The following MACROD2 variants were observed in gnomAD, a reference collection of about 807,000 sequenced individuals.
The protein encoded by MACROD2 is mono-ADP ribosylhydrolase 2.
Under a neutral mutation model 70.4 loss-of-function variants are expected in MACROD2, and 36 were observed. The observed-to-expected ratio is 0.51, with a 90% CI of 0.39 to 0.68. The LOEUF (loss-of-function observed/expected upper bound fraction) is 0.68. Ranked by LOEUF, MACROD2 falls within the 30% of genes least tolerant of loss-of-function variation. MACROD2 has a pLI of 0.00. For missense variants in MACROD2, 496 were observed against 538.4 expected (o/e 0.92, Z 0.78); for synonymous variants, 172 against 178.8 (o/e 0.96, Z 0.30).
At chr20:14,483,526 C>T (rs1294550570) in intron 3 of MACROD2, among the ~76,000 whole-genome samples, 1 of 152,140 alleles carries the variant, frequency 6.6e-6, no homozygotes, top group Non-Finnish European at 1.5e-5. Context: ...CCTGCCTCAG[C>T]CTCCCTAGTA....
intron 3 of MACROD2, among the ~76,000 whole-genome samples, chr20:14,269,896 C>T (rs910657886): frequency 2.0e-4 from 30 of 151,774 alleles, no homozygotes; most frequent in South Asian, 6.2e-4. Flanking sequence ...CTCCTAATTG[C>T]CACTCCTCAT....
At chr20:14,704,883 G>A (rs2071250540) in intron 5 of MACROD2, among the ~76,000 whole-genome samples, 1 of 152,116 alleles carries the variant, frequency 6.6e-6, no homozygotes, top group Admixed American at 6.5e-5. Flanking sequence ...GCAGGGGCTG[G>A]CTTTTGAGAC....
intron 7 of MACROD2, among the ~76,000 whole-genome samples, chr20:15,464,940 C>T (rs1346684351): frequency 1.3e-5 from 2 of 152,048 alleles, no homozygotes; most frequent in Non-Finnish European, 2.9e-5. Context: ...GACTGACACT[C>T]CTCTGAGGCA....
At chr20:15,629,793 A>T (rs1363766843) in intron 8 of MACROD2, among the ~76,000 whole-genome samples, 2 of 152,238 alleles carry the variant, frequency 1.3e-5, no homozygotes, top group African/African-American at 4.8e-5. Context: ...CTCAGCTGCC[A>T]GGAAGTGAAA....
At chr20:15,122,111 A>G (rs1332178128) in intron 5 of MACROD2, among the ~76,000 whole-genome samples, 1 of 152,226 alleles carries the variant, frequency 6.6e-6, no homozygotes, top group African/African-American at 2.4e-5. Flanking sequence ...TGCTAAAACA[A>G]ACAAAATGAT....
intron 8 of MACROD2, among the ~76,000 whole-genome samples, chr20:15,590,634 G>T (rs1294236032): frequency 6.6e-6 from 1 of 152,136 alleles, no homozygotes; most frequent in Non-Finnish European, 1.5e-5. Context: ...TGTAATCCCA[G>T]CACTTTGGGA....
intron 3 of MACROD2, among the ~76,000 whole-genome samples, chr20:14,415,001 A>G (rs2122876482): frequency 6.6e-6 from 1 of 151,886 alleles, no homozygotes; most frequent in East Asian, 1.9e-4. Flanking sequence ...ATGTATTTCA[A>G]TTGTTTATTA....
chr20:14,505,763 A>C (rs1464098221), intron 4 of MACROD2, among the ~76,000 whole-genome samples: 1 of 152,204 alleles, frequency 6.6e-6, no homozygotes, highest in African/African-American at 2.4e-5. Context: ...TTTAAGAATT[A>C]CTGCTCTAAA....
At position 14,532,552 on chromosome 20, in the gene MACROD2, G is replaced by C. The variant is rs150838684; in HGVS notation, c.301+39044G>C. Among the ~76,000 whole-genome samples the C allele has an allele frequency of 1.0e-2, 1,514 of 152,108 alleles. 32 individuals are homozygous for C. The highest frequency in any genetic ancestry group is 0.035 in the African/African-American group (1,444 of 41,510). On this transcript the variant is annotated intron_variant, in intron 4 of 17. Coordinates refer to ENST00000684519, the MANE Select transcript of MACROD2 (RefSeq NM_001351661.2). Reference sequence around the variant, plus strand: ...ACAAAAAAATTTAAGGACAAGATTTGTGCAGTATTAAGAGCCATTACTTAT... The same window carrying C: ...ACAAAAAAATTTAAGGACAAGATTTCTGCAGTATTAAGAGCCATTACTTAT...
intron 5 of MACROD2, among the ~76,000 whole-genome samples, chr20:14,994,156 T>C (rs1460199905): frequency 6.6e-6 from 1 of 152,150 alleles, no homozygotes; most frequent in Non-Finnish European, 1.5e-5. Context: ...ACAGGATAGA[T>C]ATGTACATAC....
At chr20:14,143,838 A>G (rs958161867) in intron 3 of MACROD2, among the ~76,000 whole-genome samples, 1 of 152,200 alleles carries the variant, frequency 6.6e-6, no homozygotes, top group Non-Finnish European at 1.5e-5. Flanking sequence ...AGATAATTAG[A>G]CAAGACTTAT....
chr20:14,987,661 CA>C (rs991282889), intron 5 of MACROD2, among the ~76,000 whole-genome samples: 1 of 151,972 alleles, frequency 6.6e-6, no homozygotes, highest in African/African-American at 2.4e-5. Flanking sequence ...TATAAAGGAA[CA>C]AAAAATTACT....
rs2066247423 is a variant in MACROD2, at chr20:15,972,581, G to A, written c.985+4951G>A. Among the ~76,000 whole-genome samples the A allele has an allele frequency of 3.9e-5, 6 of 152,244 alleles. No individual in the cohort carries two copies. The South Asian group carries it at 1.2e-3, about 32-fold the overall frequency. On this transcript the variant is annotated intron_variant, in intron 13 of 17. Coordinates refer to ENST00000684519, the MANE Select transcript of MACROD2 (RefSeq NM_001351661.2). ...TCCCAGCACTTTGGAAGGCTGAGTT[G>A]GGCAGATCACTTGAGGTCAGGAGTT...
At chr20:15,980,264 A>G (rs940969671) in intron 13 of MACROD2, among the ~76,000 whole-genome samples, 3 of 152,120 alleles carry the variant, frequency 2.0e-5, no homozygotes, top group Admixed American at 6.5e-5. Flanking sequence ...CCTGTCTTTG[A>G]TTTTACTTCC....
chr20:15,303,992 A>G (rs557941415), intron 6 of MACROD2, among the ~76,000 whole-genome samples: 5 of 152,220 alleles, frequency 3.3e-5, no homozygotes, highest in African/African-American at 1.2e-4. Flanking sequence ...ATTATTCTGT[A>G]ATATTTATTA....
At chr20:14,639,942 G>A (rs937592266) in intron 4 of MACROD2, among the ~76,000 whole-genome samples, 5 of 152,004 alleles carry the variant, frequency 3.3e-5, no homozygotes, top group East Asian at 3.9e-4. Flanking sequence ...ATTATAAATC[G>A]TTCTCAACTC....
intron 8 of MACROD2, among the ~76,000 whole-genome samples, chr20:15,732,158 C>T (rs539813884): frequency 1.9e-4 from 29 of 151,484 alleles, no homozygotes; most frequent in African/African-American, 6.1e-4. Flanking sequence ...GCAATGGCAG[C>T]GGAGGGTTGA....
intron 5 of MACROD2, among the ~76,000 whole-genome samples, chr20:15,091,274 C>T (rs184342846): frequency 6.6e-6 from 1 of 151,710 alleles, no homozygotes; most frequent in South Asian, 2.1e-4. Flanking sequence ...TGTTCCAAAT[C>T]TTACTTTGGG....
chr20:14,973,214 G>GTGAGTAGT (rs2074707504), intron 5 of MACROD2, among the ~76,000 whole-genome samples: 1 of 148,300 alleles, frequency 6.7e-6, no homozygotes, highest in East Asian at 2.0e-4. Flanking sequence ...TGCCTAAGAG[G>GTGAGTAGT]TGAGTAGTTG....
Sources: allele counts gnomAD v4.1 joint callset (sites outside exome capture counted in the v4.1 genomes callset), GRCh38; gene constraint gnomAD v4.1.1; transcripts MANE v1.5; gene names NCBI Gene and HGNC (gene_info 2026-07-23, HGNC 2026-07-21).